The following PTPRD variants were observed in gnomAD, a reference collection of about 807,000 sequenced individuals.
PTPRD encodes the protein protein tyrosine phosphatase receptor type D, also known as receptor-type tyrosine-protein phosphatase delta.
In PTPRD, 34 loss-of-function variants were observed where a neutral mutation model predicts 214.5. The observed-to-expected ratio is 0.16, with a 90% CI of 0.12 to 0.21. The LOEUF (loss-of-function observed/expected upper bound fraction) is 0.21. Ranked by LOEUF, PTPRD falls within the 10% of genes least tolerant of loss-of-function variation. PTPRD has a pLI of 1.00. For synonymous variants in PTPRD, 1,128 were observed against 845.7 expected, an observed-to-expected ratio of 1.33 and a Z score of -5.79; for missense variants, 2,545 against 2,398.7, an observed-to-expected ratio of 1.06 and a Z score of -1.27.
chr9:9,275,073 TATATATATA>T (rs1944551144), intron 9 of PTPRD, among the ~76,000 whole-genome samples: 1 of 80,482 alleles, frequency 1.2e-5, no homozygotes, highest in East Asian at 3.4e-4. Flanking sequence ...ATATTATATA[TATATATATA>T]ATATATATGT....
At chr9:9,806,277 A>C (rs2099072565) in intron 5 of PTPRD, among the ~76,000 whole-genome samples, 1 of 151,874 alleles carries the variant, frequency 6.6e-6, no homozygotes, top group Non-Finnish European at 1.5e-5. Flanking sequence ...ACAGTGCCAA[A>C]AAAAAAGGCA....
Position 9,870,159 on chromosome 9 carries a change from T to C in PTPRD, c.-368+68348A>G, listed in dbSNP as rs150762104. On this transcript the variant is annotated intron_variant, in intron 5 of 45. Coordinates refer to ENST00000381196, the MANE Select transcript of PTPRD (RefSeq NM_002839.4). ...AAGATTGGTAAAAAGGTAAAATCAT[T>C]GAAGATGGGTGGATGGGTTCATGGA... Among the ~76,000 whole-genome samples the C allele has an allele frequency of 1.7e-3, 259 of 152,116 alleles. 2 individuals are homozygous for C. Among genetic ancestry groups the C allele is most frequent in the Non-Finnish European group, 2.8e-3 (187 of 67,902 alleles).
In PTPRD at chr9:10,384,827, C is replaced by T. The variant is rs374221893; in HGVS notation, c.-599-43810G>A. On this transcript the variant is annotated intron_variant, in intron 2 of 45. Coordinates refer to ENST00000381196, the MANE Select transcript of PTPRD (RefSeq NM_002839.4). The stretch of plus-strand genomic sequence containing the variant: ...GGTACATTTGAATTAAAATATATTG[C>T]GAAGGATAATATGATTTTTAACGAT... Among the ~76,000 whole-genome samples the T allele has an allele frequency of 2.3e-4, 35 of 151,024 alleles. 1 individual carries two copies. The highest frequency in any genetic ancestry group is 6.1e-4 in the African/African-American group (25 of 41,318).
chr9:9,887,455 A>G (rs965142822), intron 5 of PTPRD, among the ~76,000 whole-genome samples: 2 of 152,168 alleles, frequency 1.3e-5, no homozygotes, highest in African/African-American at 4.8e-5. Flanking sequence ...ATAAAAAAAC[A>G]TGATGCATAA....
intron 8 of PTPRD, among the ~76,000 whole-genome samples, chr9:9,473,816 C>CT (rs71319224): frequency 0.56 from 80,525 of 143,516 alleles, 23,010 homozygotes; most frequent in East Asian, 0.68. Context: ...GTTTTAAAAT[C>CT]TTTTTTTTTT....
chr9:10,515,615 C>T (rs1262797827), intron 2 of PTPRD, among the ~76,000 whole-genome samples: 1 of 151,746 alleles, frequency 6.6e-6, no homozygotes, highest in East Asian at 1.9e-4. Context: ...TAAGATCTAC[C>T]TTCTTAACAG....
At chr9:10,403,796 G>A (rs972769451) in intron 2 of PTPRD, among the ~76,000 whole-genome samples, 17 of 151,680 alleles carry the variant, frequency 1.1e-4, no homozygotes, top group Non-Finnish European at 1.6e-4. Flanking sequence ...CGGAAAAGGC[G>A]AAACTGTGGA....
rs570798015 is a variant in PTPRD, at chr9:9,114,494, G to T, written c.-143+68810C>A. Among the ~76,000 whole-genome samples the T allele has an allele frequency of 9.2e-5, 14 of 152,176 alleles. No homozygotes were observed. In the South Asian group the frequency reaches 1.5e-3, roughly 16 times the overall value. On this transcript the variant is annotated intron_variant, in intron 10 of 45. Coordinates refer to ENST00000381196, the MANE Select transcript of PTPRD (RefSeq NM_002839.4). ...GAAGGTATCTGAATAAGGGAGGGAG[G>T]TAAGCTGATTTCATCTTGGCTAACA... is the stretch of plus-strand genomic sequence containing the variant.
intron 9 of PTPRD, among the ~76,000 whole-genome samples, chr9:9,237,636 A>AT (rs761935364): frequency 5.3e-5 from 8 of 151,678 alleles, no homozygotes; most frequent in East Asian, 3.9e-4. Context: ...ATTTGCAATA[A>AT]TTTTTTTTTA....
intron 8 of PTPRD, among the ~76,000 whole-genome samples, chr9:9,439,282 A>C (rs1377607951): frequency 6.6e-6 from 1 of 152,114 alleles, no homozygotes; most frequent in African/African-American, 2.4e-5. Flanking sequence ...AGGGTACAGC[A>C]CCCCACTTAT....
chr9:10,583,746 G>C (rs960676661), intron 2 of PTPRD, among the ~76,000 whole-genome samples: 2 of 152,126 alleles, frequency 1.3e-5, no homozygotes, highest in African/African-American at 4.8e-5. Flanking sequence ...CCAAAGTGCT[G>C]GGATTACAGG....
At chr9:9,087,652 G>T (rs2099769120) in intron 10 of PTPRD, among the ~76,000 whole-genome samples, 1 of 152,078 alleles carries the variant, frequency 6.6e-6, no homozygotes, top group African/African-American at 2.4e-5. Context: ...TAACCTTATG[G>T]AAAACATGGG....
chr9:10,139,814 T>G (rs2098970312), intron 3 of PTPRD, among the ~76,000 whole-genome samples: 1 of 151,798 alleles, frequency 6.6e-6, no homozygotes, highest in South Asian at 2.1e-4. Flanking sequence ...CAATAAATAC[T>G]GTGAGGATAA....
intron 10 of PTPRD, among the ~76,000 whole-genome samples, chr9:9,051,146 ATAAG>A (rs1429475695): frequency 2.6e-5 from 4 of 152,210 alleles, no homozygotes; most frequent in Non-Finnish European, 4.4e-5. Context: ...ATTTAACAAT[ATAAG>A]TGAGCAATAA....
intron 9 of PTPRD, among the ~76,000 whole-genome samples, chr9:9,242,485 T>C (rs2131041382): frequency 6.6e-6 from 1 of 152,302 alleles, no homozygotes; most frequent in South Asian, 2.1e-4. Flanking sequence ...GGTACACCAA[T>C]CAGACGTAGA....
rs927523217 is a variant in PTPRD at position 8,889,602 on chromosome 9, T to C, written c.-104+129095A>G. ...ACTGTGCTCAATGTGTAGTCTTTTA[T>C]CCCTGATCCCCCACCCACCCTTCCC... On this transcript the variant is annotated intron_variant, in intron 11 of 45. Coordinates refer to ENST00000381196, the MANE Select transcript of PTPRD (RefSeq NM_002839.4). Among the ~76,000 whole-genome samples, 6 of 152,158 alleles carry C rather than the reference T, an allele frequency of 3.9e-5. 1 individual carries two copies. The highest frequency in any genetic ancestry group is 1.2e-4 in the African/African-American group (5 of 41,440).
At chr9:9,290,390 C>T (rs1202899400) in intron 9 of PTPRD, among the ~76,000 whole-genome samples, 1 of 151,600 alleles carries the variant, frequency 6.6e-6, no homozygotes, top group Non-Finnish European at 1.5e-5. Context: ...CAAATATTTT[C>T]TCCCATTTTG....
intron 4 of PTPRD, among the ~76,000 whole-genome samples, chr9:10,026,133 G>A (rs1163204580): frequency 2.0e-5 from 3 of 152,112 alleles, no homozygotes; most frequent in Non-Finnish European, 4.4e-5. Flanking sequence ...TTTAAATAAC[G>A]ACCAGTCCAA....
intron 2 of PTPRD, among the ~76,000 whole-genome samples, chr9:10,342,462 C>A (rs563100069): frequency 6.6e-6 from 1 of 151,870 alleles, no homozygotes. Flanking sequence ...TTGTAAAGAA[C>A]GATGACTGTT....
Sources: allele counts gnomAD v4.1 joint callset (sites outside exome capture counted in the v4.1 genomes callset), GRCh38; gene constraint gnomAD v4.1.1; transcripts MANE v1.5; gene names NCBI Gene and HGNC (gene_info 2026-07-23, HGNC 2026-07-21).